Variants in NLRC5 observed in about 807,000 individuals in gnomAD.
NLRC5 encodes the protein protein NLRC5.
Under a neutral mutation model 206.9 loss-of-function variants are expected in NLRC5, and 114 were observed. That is an observed-to-expected ratio of 0.55 (90% CI 0.47 to 0.64). NLRC5 has a LOEUF of 0.64. Ranked by LOEUF, NLRC5 falls within the 30% of genes least tolerant of loss-of-function variation. The pLI, the probability that NLRC5 is intolerant of heterozygous loss-of-function variation, is 0.00. For missense variants in NLRC5, 2,008 were observed against 2,305.5 expected (o/e 0.87, Z 2.64); for synonymous variants, 952 against 962.8 (o/e 0.99, Z 0.21).
At chr16:57,028,793 C>T (rs1387056767) in intron 8 of NLRC5, among the ~76,000 whole-genome samples, 1 of 152,226 alleles carries the variant, frequency 6.6e-6, no homozygotes, top group Non-Finnish European at 1.5e-5. Flanking sequence ...CAAGAATATG[C>T]ACCCACACAT....
At chr16:56,996,667 G>T (rs1209389715) in intron 1 of NLRC5, among the ~76,000 whole-genome samples, 1 of 152,166 alleles carries the variant, frequency 6.6e-6, no homozygotes, top group Non-Finnish European at 1.5e-5. Flanking sequence ...CCCCTAGAGG[G>T]TGAGTTTGTG....
At position 57,017,371 on chromosome 16, in the gene NLRC5, G is replaced by A. The variant is rs146661389; in HGVS notation, c.-13+183G>A. On this transcript the variant is annotated intron_variant, in intron 2 of 48. Coordinates refer to ENST00000688547, the MANE Select transcript of NLRC5 (RefSeq NM_001384950.1). ...GTAATGATCAGACACAGAAAATCAG[G>A]AAGAGTTTTGAGACAGCATCTAATC... Among the ~76,000 whole-genome samples, 8 of 152,276 alleles carry A rather than the reference G, an allele frequency of 5.3e-5. No homozygotes were observed. The East Asian group carries it at 1.5e-3, about 29-fold the overall frequency.
At position 57,079,579 on chromosome 16, in the gene NLRC5, C is replaced by T; in HGVS notation, c.5271C>T (p.Ala1757=). The T allele has an allele frequency of 6.2e-7, 1 of 1,614,104 alleles. No homozygotes were observed. The highest frequency in any genetic ancestry group is 8.5e-7 in the Non-Finnish European group (1 of 1,179,992). ...CCTGTAAGATTGACAACCAGACTGC[C>T]AAGCTCCTCACCTCCAGCTTCACGA... is the stretch of plus-strand genomic sequence containing the variant. ...LVSCKIDNQT[A]KLLTSSFTSC... Residue 1757 remains alanine (A), a synonymous_variant, in exon 46 of 49, where the codon GCC becomes GCT. Coordinates refer to ENST00000688547, the MANE Select transcript of NLRC5 (RefSeq NM_001384950.1).
Position 57,046,580 on chromosome 16 carries a change from G to C in NLRC5, c.3277G>C (p.Asp1093His), listed in dbSNP as rs765156988. ...RDMWATGSLP[D>H]FPAAAKFLGF... ...TATGTGGGCCACTGGATCTTTGCCA[G>C]ACTTCCCAGCTGCAGCCAAGTTCTT... Residue 1093 changes from aspartate (D) to histidine (H), a missense_variant, in exon 22 of 49, where the codon GAC (aspartate) becomes CAC (histidine). Physicochemically the swap from Asp to His is moderately conservative, Grantham distance 81. Transcript: ENST00000688547. 1.2e-6 allele frequency: 2 copies of C among 1,613,992 alleles called. No homozygotes were observed. The highest frequency in any genetic ancestry group is 2.2e-5 in the South Asian group (2 of 91,080).
rs528601527 is a variant in NLRC5 at position 57,042,080 on chromosome 16, A to G, written c.3113+15A>G. The stretch of plus-strand genomic sequence containing the variant: ...CAGTCCTTGAAGTGAGTAGCCCGCT[A>G]GGCAGAGCCTCTGAGGCTGGGGCAG... On this transcript the variant is annotated intron_variant, in intron 19 of 48. Coordinates refer to ENST00000688547, the MANE Select transcript of NLRC5 (RefSeq NM_001384950.1). 6.7e-7 allele frequency: 1 copy of G among 1,494,150 alleles called. No individual in the cohort carries two copies. Among genetic ancestry groups the G allele is most frequent in the Non-Finnish European group, 8.9e-7 (1 of 1,119,270 alleles). 92.6% of individuals were successfully genotyped at this position (1,494,150 alleles called of 1,614,324 possible).
intron 1 of NLRC5, among the ~76,000 whole-genome samples, chr16:57,015,816 C>T (rs964029639): frequency 1.4e-5 from 2 of 143,832 alleles, no homozygotes; most frequent in Non-Finnish European, 1.5e-5. Flanking sequence ...AATCCCACTA[C>T]TTGGGAGGCT....
intron 10 of NLRC5, 117 bp downstream of exon 10, chr16:57,030,201 GT>G: frequency 1.3e-6 from 1 of 798,988 alleles, no homozygotes; most frequent in Non-Finnish European, 2.0e-6. Context: ...ATACCCTACT[GT>G]TTTACTCACA....
intron 5 of NLRC5, 53 bp from the exon 6 acceptor site, chr16:57,025,315 T>G (rs1206207206): frequency 1.3e-5 from 19 of 1,505,330 alleles, no homozygotes; most frequent in Non-Finnish European, 1.7e-5. Flanking sequence ...CAAGAAGACA[T>G]GAGCAGAGGG....
intron 1 of NLRC5, among the ~76,000 whole-genome samples, chr16:56,993,172 C>T (rs762800940): frequency 8.6e-5 from 13 of 150,524 alleles, no homozygotes; most frequent in Non-Finnish European, 1.3e-4. Context: ...TATATAGACA[C>T]ACACACACAT....
At chr16:57,050,106 T>TA (rs368833472) in intron 23 of NLRC5, among the ~76,000 whole-genome samples, 62,290 of 144,168 alleles carry the variant, frequency 0.43, 13,332 homozygotes, top group Middle Eastern at 0.49. Flanking sequence ...TCCATTGCTT[T>TA]AAAAAAAAAA....
rs540291182 is a variant in NLRC5, at chr16:57,021,119, G to A, written c.295+112G>A. On this transcript the variant is annotated intron_variant, in intron 3 of 48. Coordinates refer to ENST00000688547, the MANE Select transcript of NLRC5 (RefSeq NM_001384950.1). Reference sequence around the variant, plus strand: ...CAGAGAGAGGGTGTAGCCCAGCCACGATCTCAACTCTATATTTCTGGACAC... The same window carrying A: ...CAGAGAGAGGGTGTAGCCCAGCCACAATCTCAACTCTATATTTCTGGACAC... The A allele has an allele frequency of 1.0e-4, 93 of 901,646 alleles. 1 individual carries two copies. The South Asian group carries it at 1.3e-3, about 13-fold the overall frequency. The allele number at this position is 901,646 out of a possible 1,614,324, so 55.9% of individuals were successfully genotyped here.
chr16:57,001,415 A>C (rs1182692171), intron 1 of NLRC5, among the ~76,000 whole-genome samples: 2 of 152,192 alleles, frequency 1.3e-5, no homozygotes, highest in African/African-American at 2.4e-5. Flanking sequence ...CTAATCCTCA[A>C]GAGGCAGAAA....
chr16:57,027,243 A>G (rs1237911742), intron 6 of NLRC5, among the ~76,000 whole-genome samples: 1 of 152,220 alleles, frequency 6.6e-6, no homozygotes, highest in Non-Finnish European at 1.5e-5. Context: ...CTCTCTGTCA[A>G]TCATGGGCTG....
At position 57,027,005 on chromosome 16, in the gene NLRC5, A is replaced by T. The variant is rs1597231099; in HGVS notation, c.2062A>T (p.Ile688Leu). 1 of 1,613,466 alleles carries T rather than the reference A, an allele frequency of 6.2e-7. No homozygotes were observed. The highest frequency in any genetic ancestry group is 8.5e-7 in the Non-Finnish European group (1 of 1,179,550). The change falls in exon 6 of 49, where the codon ATA becomes TTA. Residue 688 changes from isoleucine to leucine, a missense_variant. By Grantham distance (5) the Ile-to-Leu change is conservative (BLOSUM62 2). Transcript: ENST00000688547. The stretch of plus-strand genomic sequence containing the variant: ...TGAGGCTCTGGTAGGCTGTGGGCAG[A>T]TAGAGAATCTCAGGTGAGTAAGAGT... The part of the protein sequence containing the change: ...CPEALVGCGQ[I>L]ENLSFKSRKC...
intron 22 of NLRC5, 67 bp downstream of exon 22, chr16:57,046,708 C>A: frequency 1.5e-6 from 2 of 1,316,244 alleles, no homozygotes; most frequent in Non-Finnish European, 1.1e-6. Context: ...GGGGGCAGAG[C>A]TGGCAGGGGG....
At chr16:56,997,111 A>T (rs1372764306) in intron 1 of NLRC5, among the ~76,000 whole-genome samples, 2 of 152,050 alleles carry the variant, frequency 1.3e-5, no homozygotes, top group Admixed American at 1.3e-4. Flanking sequence ...GGTTCAAGCA[A>T]TCTGCCTGTC....
chr16:57,005,144 G>A (rs1458188273), intron 1 of NLRC5, among the ~76,000 whole-genome samples: 2 of 152,098 alleles, frequency 1.3e-5, no homozygotes, highest in Admixed American at 6.6e-5. Context: ...CAAATGTGAG[G>A]GCTTGAAAGT....
chr16:56,994,738 C>T (rs2057394426), intron 1 of NLRC5, among the ~76,000 whole-genome samples: 1 of 151,208 alleles, frequency 6.6e-6, no homozygotes, highest in South Asian at 2.1e-4. Context: ...TGGCAAGAAA[C>T]AAAAAAGTGG....
chr16:56,997,858 G>A (rs1161613223), intron 1 of NLRC5, among the ~76,000 whole-genome samples: 1 of 152,188 alleles, frequency 6.6e-6, no homozygotes, highest in African/African-American at 2.4e-5. Flanking sequence ...TGGGATCACA[G>A]GTGTGAGCCA....
Sources: allele counts gnomAD v4.1 joint callset (sites outside exome capture counted in the v4.1 genomes callset), GRCh38; gene constraint gnomAD v4.1.1; transcripts MANE v1.5; gene names NCBI Gene and HGNC (gene_info 2026-07-23, HGNC 2026-07-21).